The following RAB27A variants were observed in gnomAD, a reference collection of about 807,000 sequenced individuals.
RAB27A encodes RAB27A, member RAS oncogene family.
Under a neutral mutation model 20.8 loss-of-function variants are expected in RAB27A, and 17 were observed. The ratio of observed to expected loss-of-function variants is 0.82; its 90% CI spans 0.56 to 1.23. RAB27A has a LOEUF of 1.23. Ranked by LOEUF, RAB27A falls within the 50% of genes most tolerant of loss-of-function variation. The pLI, the probability that RAB27A is intolerant of heterozygous loss-of-function variation, is 0.00. For synonymous variants in RAB27A, 85 were observed against 92.8 expected (o/e 0.92, Z 0.48); for missense variants, 277 against 266.7 (o/e 1.04, Z -0.27).
chr15:55,275,409 T>C (rs1897836577), intron 1 of RAB27A, among the ~76,000 whole-genome samples: 1 of 152,066 alleles, frequency 6.6e-6, no homozygotes, highest in Non-Finnish European at 1.5e-5. Context: ...GGCAGATCAC[T>C]TGAGGGCAGG....
At chr15:55,252,008 A>T (rs948846131) in intron 2 of RAB27A, among the ~76,000 whole-genome samples, 2 of 152,160 alleles carry the variant, frequency 1.3e-5, no homozygotes, top group Admixed American at 6.5e-5. Flanking sequence ...ACCCACAGGG[A>T]TTAAGTACAA....
At chr15:55,248,823 C>T (rs1236389362) in intron 2 of RAB27A, 5 of 152,012 alleles carry the variant, frequency 3.3e-5, no homozygotes, top group Non-Finnish European at 1.5e-5. Context: ...TGTAGACAGC[C>T]AGCTATATAT....
chr15:55,311,508 GC>G (rs1566942194), intron 2 of RAB27A, among the ~76,000 whole-genome samples: 1 of 152,068 alleles, frequency 6.6e-6, no homozygotes, highest in African/African-American at 2.4e-5. Flanking sequence ...TCGAGGGGAC[GC>G]TGGGGTAGGG....
At chr15:55,284,926 ACATGCACAATCACCAAAAATCAGC>A (rs1314209956) in intron 1 of RAB27A, among the ~76,000 whole-genome samples, 1 of 152,236 alleles carries the variant, frequency 6.6e-6, no homozygotes, top group Non-Finnish European at 1.5e-5. Flanking sequence ...TCTTTTGGAT[ACATGCACAATCACCAAAAATCAGC>A]CATGGCTCAA....
chr15:55,245,677 C>T (rs1167953834), intron 2 of RAB27A, among the ~76,000 whole-genome samples: 1 of 152,230 alleles, frequency 6.6e-6, no homozygotes, highest in African/African-American at 2.4e-5. Flanking sequence ...TATAAATGCA[C>T]TTGCTACATA....
chr15:55,265,070 C>T (rs1897413920), intron 2 of RAB27A, among the ~76,000 whole-genome samples: 1 of 152,074 alleles, frequency 6.6e-6, no homozygotes, highest in African/African-American at 2.4e-5. Context: ...TGGTGAAACC[C>T]CATCTCTACT....
chr15:55,259,479 G>A (rs550157864), intron 2 of RAB27A, among the ~76,000 whole-genome samples: 110 of 150,990 alleles, frequency 7.3e-4, no homozygotes, highest in Middle Eastern at 3.5e-3. Flanking sequence ...TAGAGATGGG[G>A]TCTCACTATG....
chr15:55,220,876 C>T (rs1343382068), intron 6 of RAB27A, among the ~76,000 whole-genome samples: 1 of 152,198 alleles, frequency 6.6e-6, no homozygotes, highest in Admixed American at 6.5e-5. Flanking sequence ...AAACAGCCTA[C>T]CAAACTACAT....
intron 6 of RAB27A, among the ~76,000 whole-genome samples, chr15:55,213,257 GTT>G (rs1353759445): frequency 1.3e-5 from 2 of 152,160 alleles, no homozygotes; most frequent in Non-Finnish European, 2.9e-5. Context: ...CTTGAAGAAT[GTT>G]TTTGTTTTTC....
At chr15:55,298,633 A>G (rs2141141371) in intron 2 of RAB27A, among the ~76,000 whole-genome samples, 1 of 152,304 alleles carries the variant, frequency 6.6e-6, no homozygotes, top group Admixed American at 6.5e-5. Context: ...TTTGAGAGCA[A>G]CCAGTCTGAC....
intron 1 of RAB27A, among the ~76,000 whole-genome samples, chr15:55,275,520 G>A (rs548836388): frequency 1.8e-4 from 28 of 151,938 alleles, no homozygotes; most frequent in African/African-American, 5.3e-4. Context: ...CTGGCTACTC[G>A]GGAGGCTGAG....
chr15:55,265,007 C>T (rs1401625187), intron 2 of RAB27A, among the ~76,000 whole-genome samples: 1 of 152,156 alleles, frequency 6.6e-6, no homozygotes, highest in Admixed American at 6.5e-5. Flanking sequence ...CTTTGGGAGG[C>T]CGAGGTGGGC....
At chr15:55,305,016 G>A (rs1447744114) in intron 2 of RAB27A, among the ~76,000 whole-genome samples, 1 of 152,122 alleles carries the variant, frequency 6.6e-6, no homozygotes, top group African/African-American at 2.4e-5. Flanking sequence ...GCTCTCAGGC[G>A]ATAGATGATT....
upstream of RAB27A, among the ~76,000 whole-genome samples, chr15:55,290,960 C>T (rs1898291637): frequency 6.6e-6 from 1 of 152,250 alleles, no homozygotes; most frequent in Non-Finnish European, 1.5e-5. Flanking sequence ...TCAACTCCAT[C>T]ACCTTTCCAG....
chr15:55,277,228 C>G (rs1291056583), intron 1 of RAB27A, among the ~76,000 whole-genome samples: 1 of 152,158 alleles, frequency 6.6e-6, no homozygotes, highest in Admixed American at 6.5e-5. Flanking sequence ...CATTTAGAGA[C>G]TAGATGTATA....
At chr15:55,303,194 G>A (rs1257054665) in intron 2 of RAB27A, among the ~76,000 whole-genome samples, 4 of 96,002 alleles carry the variant, frequency 4.2e-5, no homozygotes, top group East Asian at 5.5e-4. Flanking sequence ...GCCTCTGCCC[G>A]GCCGCCCCTA....
chr15:55,247,218 T>C (rs957260083), intron 2 of RAB27A, among the ~76,000 whole-genome samples: 1 of 152,092 alleles, frequency 6.6e-6, no homozygotes, highest in East Asian at 1.9e-4. Context: ...GTACAGGGAA[T>C]TCTGGTATTA....
intron 1 of RAB27A, among the ~76,000 whole-genome samples, chr15:55,274,976 C>A (rs180780677): frequency 4.7e-5 from 7 of 150,100 alleles, no homozygotes; most frequent in Admixed American, 6.6e-5. Flanking sequence ...TCCAGTCGGG[C>A]GCAGTGGCTC....
intron 2 of RAB27A, among the ~76,000 whole-genome samples, chr15:55,311,313 T>G (rs2055019694): frequency 6.6e-6 from 1 of 152,200 alleles, no homozygotes; most frequent in African/African-American, 2.4e-5. Context: ...AGGTCTATTT[T>G]AATTTGCTTT....
Sources: gnomAD v4.1 joint callset for allele counts (sites outside exome capture counted in the v4.1 genomes callset) on GRCh38, gnomAD v4.1.1 for gene constraint, MANE v1.5 for transcripts, NCBI Gene and HGNC (gene_info 2026-07-23, HGNC 2026-07-21) for gene names.